GABRR2: variants seen among roughly 807,000 people sequenced by gnomAD.
GABRR2 encodes gamma-aminobutyric acid type A receptor subunit rho2, also known as gamma-aminobutyric acid receptor subunit rho-2.
GABRR2 carries 36 observed loss-of-function variants against 47.0 expected under a neutral mutation model. The ratio of observed to expected loss-of-function variants is 0.77; its 90% CI spans 0.59 to 1.01. GABRR2 has a LOEUF of 1.01. Among genes scored for constraint, GABRR2 ranks in the 50% least tolerant of loss-of-function variants. The pLI, the probability that GABRR2 is intolerant of heterozygous loss-of-function variation, is 0.00. For missense variants in GABRR2, 587 were observed against 594.6 expected, an observed-to-expected ratio of 0.99 and a Z score of 0.13; for synonymous variants, 204 against 227.5, an observed-to-expected ratio of 0.90 and a Z score of 0.93.
At chr6:89,295,941 T>C (rs1774544986) in intron 2 of GABRR2, among the ~76,000 whole-genome samples, 1 of 152,208 alleles carries the variant, frequency 6.6e-6, no homozygotes, top group African/African-American at 2.4e-5. Flanking sequence ...TGGTTGTAGA[T>C]GTGTGGTATT....
chr6:89,312,680 A>T (rs769664846), intron 1 of GABRR2, among the ~76,000 whole-genome samples: 2 of 152,196 alleles, frequency 1.3e-5, no homozygotes, highest in Non-Finnish European at 2.9e-5. Context: ...AATTTGGAAA[A>T]ATAAATTGTC....
rs948084802 is a variant in GABRR2 at position 89,299,774 on chromosome 6, T to A, written c.205A>T (p.Arg69Ter). The A allele has an allele frequency of 1.2e-6, 2 of 1,613,640 alleles. No individual in the cohort carries two copies. The highest frequency in any genetic ancestry group is 1.7e-6 in the Non-Finnish European group (2 of 1,179,522). ...ACAGTCCTACCTCCGAAGGCGGGTC[T>A]CATGCTGAAGTCGTGCTCGTCCACT... Reference protein sequence around the residue: ...LRVDEHDFSMRPAFGGPAIPV... With the variant: ...LRVDEHDFSM The change falls in exon 2 of 9, where the codon AGA (arginine) becomes TGA (stop). Residue 69 changes from arginine to a stop codon, truncating the protein, a stop_gained. Transcript: ENST00000402938. LOFTEE classifies it high-confidence loss of function.
chr6:89,294,213 C>T (rs1293307792), intron 2 of GABRR2, among the ~76,000 whole-genome samples: 4 of 152,170 alleles, frequency 2.6e-5, no homozygotes, highest in Non-Finnish European at 4.4e-5. Flanking sequence ...GGCGCAATCT[C>T]GGCTCACTGC....
At chr6:89,296,782 A>G (rs1385818289) in intron 2 of GABRR2, among the ~76,000 whole-genome samples, 6 of 152,188 alleles carry the variant, frequency 3.9e-5, no homozygotes, top group African/African-American at 1.4e-4. Flanking sequence ...TTCTGCTCAG[A>G]GTCAGGGTTT....
chr6:89,255,941 C>T lies in GABRR2; in HGVS notation c.*1729G>A, dbSNP rs1220021729. Among the ~76,000 whole-genome samples, 1 of 151,776 alleles carries T rather than the reference C, an allele frequency of 6.6e-6. No homozygotes were observed. Among genetic ancestry groups the T allele is most frequent in the Non-Finnish European group, 1.5e-5 (1 of 67,940 alleles). ...AATTATTATTTTAGAGATAGGGTCT[C>T]GCTCTGTCACTCAGGCTGGACTGCA... On this transcript the variant is annotated 3_prime_UTR_variant, in exon 9 of 9. Coordinates refer to ENST00000402938, the MANE Select transcript of GABRR2 (RefSeq NM_002043.5).
At chr6:89,298,505 T>G (rs902601287) in intron 2 of GABRR2, among the ~76,000 whole-genome samples, 1 of 152,120 alleles carries the variant, frequency 6.6e-6, no homozygotes, top group Non-Finnish European at 1.5e-5. Context: ...CTACTCCTTT[T>G]TACTGCCCCA....
chr6:89,286,956 C>T (rs902153552), intron 2 of GABRR2, among the ~76,000 whole-genome samples: 9 of 152,130 alleles, frequency 5.9e-5, no homozygotes, highest in African/African-American at 2.2e-4. Flanking sequence ...GTACCCCATC[C>T]CATTTCTCCT....
rs778391593 is a variant in GABRR2, at chr6:89,267,655, C to A, written c.736+24G>T. The A allele has an allele frequency of 5.0e-6, 8 of 1,597,386 alleles. No homozygotes were observed. The South Asian group carries it at 6.8e-5, about 14-fold the overall frequency. On this transcript the variant is annotated intron_variant, in intron 6 of 8. Transcript: ENST00000402938. ...AATGTGCTTTCTTGCACATTTGAAT[C>A]AGATTGTGGCAAAAGATAGCTACCA... is the stretch of plus-strand genomic sequence containing the variant.
intron 1 of GABRR2, among the ~76,000 whole-genome samples, chr6:89,307,489 G>A (rs1279032545): frequency 1.3e-5 from 2 of 152,170 alleles, no homozygotes; most frequent in African/African-American, 4.8e-5. Flanking sequence ...TTGGGATGGA[G>A]GTCTCAGCAC....
intron 2 of GABRR2, among the ~76,000 whole-genome samples, chr6:89,299,138 C>G (rs537698022): frequency 2.0e-5 from 3 of 152,308 alleles, no homozygotes; most frequent in African/African-American, 7.2e-5. Flanking sequence ...GGAAGGACAC[C>G]CACTGGCCAT....
At chr6:89,302,684 C>T (rs1235540848) in intron 1 of GABRR2, 14 of 1,308,258 alleles carry the variant, frequency 1.1e-5, no homozygotes, top group African/African-American at 6.0e-5. Flanking sequence ...ACCGGCACCA[C>T]GGCTGCTACC....
rs533567966 is a variant in GABRR2 at position 89,278,749 on chromosome 6, A to G, written c.221-7027T>C. Among the ~76,000 whole-genome samples the G allele has an allele frequency of 1.3e-3, 196 of 152,198 alleles. 3 individuals are homozygous for G. The highest frequency in any genetic ancestry group is 9.8e-4 in the Admixed American group (15 of 15,286). On this transcript the variant is annotated intron_variant, in intron 2 of 8. Transcript: ENST00000402938. ...CAGCCTCCAAAATCTGCACTCAAGA[A>G]AACACCAGAACCCCCAACTCCCACT... is the stretch of plus-strand genomic sequence containing the variant.
At chr6:89,265,546 T>C (rs1192827166) in intron 7 of GABRR2, 67 bp downstream of exon 7, 3 of 1,517,774 alleles carry the variant, frequency 2.0e-6, no homozygotes, top group Non-Finnish European at 1.8e-6. Context: ...TGATTTTTAC[T>C]TTTTGTAAAC....
chr6:89,290,412 C>T (rs1188890567), intron 2 of GABRR2, among the ~76,000 whole-genome samples: 2 of 152,250 alleles, frequency 1.3e-5, no homozygotes, highest in Admixed American at 1.3e-4. Flanking sequence ...CTCTCAGGAC[C>T]AGGGGCAGGC....
chr6:89,285,218 G>C (rs1774313410), intron 2 of GABRR2, among the ~76,000 whole-genome samples: 1 of 152,234 alleles, frequency 6.6e-6, no homozygotes, highest in Non-Finnish European at 1.5e-5. Context: ...GGAGTGGCCA[G>C]ACTGGGCCCA....
intron 8 of GABRR2, among the ~76,000 whole-genome samples, chr6:89,263,498 G>A (rs1773799835): frequency 6.6e-6 from 1 of 152,122 alleles, no homozygotes; most frequent in South Asian, 2.1e-4. Context: ...GTACAGTACA[G>A]TACATTATAG....
intron 2 of GABRR2, among the ~76,000 whole-genome samples, chr6:89,277,121 G>A (rs1774174680): frequency 6.6e-6 from 1 of 152,158 alleles, no homozygotes; most frequent in Non-Finnish European, 1.5e-5. Context: ...GTCAGACCAG[G>A]TGGAGGTAAC....
At chr6:89,287,893 T>G (rs942864953) in intron 2 of GABRR2, among the ~76,000 whole-genome samples, 3 of 152,266 alleles carry the variant, frequency 2.0e-5, no homozygotes, top group East Asian at 3.9e-4. Context: ...TTCTTAGAAC[T>G]CCCCTCTGAA....
chr6:89,257,833 C>A lies in GABRR2; in HGVS notation c.1235G>T (p.Gly412Val). The change falls in exon 9 of 9, where the codon GGC becomes GTC. Residue 412 changes from glycine to valine, a missense_variant. Gly to Val is a moderately radical substitution (Grantham distance 109). Coordinates refer to ENST00000402938, the MANE Select transcript of GABRR2 (RefSeq NM_002043.5). ...ERQDKIVVHL[G>V]LSGEANAARK... ...GGCAGCGTTGGCTTCACCACTCAGG[C>A]CCAGGTGGACCACTATTTTGTCTTG... is the stretch of plus-strand genomic sequence containing the variant. 1 of 1,614,066 alleles carries A rather than the reference C, an allele frequency of 6.2e-7. No individual in the cohort carries two copies. The highest frequency in any genetic ancestry group is 1.7e-5 in the Admixed American group (1 of 60,028).
Sources: gnomAD v4.1 joint callset for allele counts (sites outside exome capture counted in the v4.1 genomes callset) on GRCh38, gnomAD v4.1.1 for gene constraint, MANE v1.5 for transcripts, NCBI Gene and HGNC (gene_info 2026-07-23, HGNC 2026-07-21) for gene names.